The following CLASP1 variants were observed in gnomAD, a reference collection of about 807,000 sequenced individuals.
CLASP1 encodes CLIP-associating protein 1.
Under a neutral mutation model 192.3 loss-of-function variants are expected in CLASP1, and 38 were observed. The observed-to-expected ratio is 0.20, with a 90% CI of 0.15 to 0.26. The LOEUF (loss-of-function observed/expected upper bound fraction) is 0.26, where lower values mean the gene tolerates loss of function less well. Among genes scored for constraint, CLASP1 ranks in the 10% least tolerant of loss-of-function variants. The pLI, the probability that CLASP1 is intolerant of heterozygous loss-of-function variation, is 1.00. For synonymous variants in CLASP1, 691 were observed against 712.8 expected, an observed-to-expected ratio of 0.97 and a Z score of 0.49; for missense variants, 1,433 against 1,932.5, an observed-to-expected ratio of 0.74 and a Z score of 4.85.
chr2:121,444,990 G>T, intron 19 of CLASP1: 1 of 1,321,708 alleles, frequency 7.6e-7, no homozygotes, highest in Non-Finnish European at 1.0e-6. Flanking sequence ...AACAAGGGAA[G>T]GGATAACAGG....
chr2:121,456,623 C>A (rs557635854), intron 14 of CLASP1, among the ~76,000 whole-genome samples: 1 of 151,976 alleles, frequency 6.6e-6, no homozygotes, highest in South Asian at 2.1e-4. Flanking sequence ...TTTAAAAAGG[C>A]GGTCTCTGGC....
Position 121,475,228 on chromosome 2 carries a change from T to C in CLASP1, c.713-5268A>G, listed in dbSNP as rs141252475. On this transcript the variant is annotated intron_variant, in intron 8 of 39. Transcript: ENST00000263710. ...TTTCTAGATTAAGAGCTGGACACAA[T>C]GCTTTGAACTGAAACACCTGCAAAG... Among the ~76,000 whole-genome samples the C allele has an allele frequency of 8.5e-5, 13 of 152,334 alleles. No homozygotes were observed. The East Asian group carries it at 2.3e-3, about 27-fold the overall frequency.
At chr2:121,403,033 T>C (rs531802815) in intron 26 of CLASP1, among the ~76,000 whole-genome samples, 1 of 152,196 alleles carries the variant, frequency 6.6e-6, no homozygotes, top group African/African-American at 2.4e-5. Flanking sequence ...GGTTTTGCCA[T>C]GTTGGCCAGG....
intron 2 of CLASP1, chr2:121,531,112 T>C (rs80047862): frequency 4.7e-6 from 3 of 637,680 alleles, no homozygotes; most frequent in African/African-American, 1.8e-5. Flanking sequence ...ACGCGTGGTT[T>C]TAGTGTCGCA....
chr2:121,434,532 C>T (rs2081985052), intron 19 of CLASP1, among the ~76,000 whole-genome samples: 1 of 152,126 alleles, frequency 6.6e-6, no homozygotes, highest in Non-Finnish European at 1.5e-5. Context: ...TCCCAAAGTG[C>T]TCAGATTATA....
intron 1 of CLASP1, among the ~76,000 whole-genome samples, chr2:121,610,333 T>TAGGAGGAAGAGGAGCTGGAGG (rs2065082246): frequency 1.0e-4 from 11 of 108,892 alleles, no homozygotes; most frequent in Admixed American, 3.7e-4. Context: ...GGAGGAGTTA[T>TAGGAGGAAGAGGAGCTGGAGG]AGGAGGAAGA....
At chr2:121,440,570 T>C (rs958831707) in intron 19 of CLASP1, among the ~76,000 whole-genome samples, 7 of 152,188 alleles carry the variant, frequency 4.6e-5, no homozygotes. Flanking sequence ...TGCACACCTG[T>C]AGTCCCAGTT....
At chr2:121,422,793 G>A (rs2079728326) in intron 22 of CLASP1, among the ~76,000 whole-genome samples, 1 of 152,144 alleles carries the variant, frequency 6.6e-6, no homozygotes, top group South Asian at 2.1e-4. Context: ...AAGAGGCATA[G>A]TTGAACCAAA....
chr2:121,520,847 C>G (rs972718422), intron 6 of CLASP1, among the ~76,000 whole-genome samples: 1 of 152,208 alleles, frequency 6.6e-6, no homozygotes, highest in African/African-American at 2.4e-5. Context: ...AAATCCCCAC[C>G]TCCAGGAAGA....
chr2:121,564,844 T>C (rs913334940), intron 2 of CLASP1, among the ~76,000 whole-genome samples: 2 of 152,196 alleles, frequency 1.3e-5, no homozygotes, highest in African/African-American at 2.4e-5. Flanking sequence ...GGGGCTGCAG[T>C]TGGCATGAAA....
chr2:121,423,011 A>C (rs1203890416), intron 22 of CLASP1, among the ~76,000 whole-genome samples: 1 of 152,126 alleles, frequency 6.6e-6, no homozygotes, highest in Admixed American at 6.5e-5. Context: ...GTATATACTA[A>C]ATGATAATAG....
chr2:121,633,834 G>A lies in CLASP1; in HGVS notation c.-286+15538C>T, dbSNP rs553567102. Among the ~76,000 whole-genome samples, 13 of 151,882 alleles carry A rather than the reference G, an allele frequency of 8.6e-5. No homozygotes were observed. In the South Asian group the frequency reaches 1.2e-3, roughly 15 times the overall value. On this transcript the variant is annotated intron_variant, in intron 1 of 39. Coordinates refer to ENST00000263710, the Ensembl canonical transcript of CLASP1. The stretch of plus-strand genomic sequence containing the variant: ...ATCCTGGCTAACACAGTGAAACCCC[G>A]TCTCTACTAAAAATAAAAAAAAATT...
intron 2 of CLASP1, among the ~76,000 whole-genome samples, chr2:121,593,276 T>C (rs1424503456): frequency 6.6e-6 from 1 of 152,088 alleles, no homozygotes; most frequent in African/African-American, 2.4e-5. Context: ...TCTTCAAAAT[T>C]ATTAAGCCAA....
At chr2:121,610,248 TGAG>T (rs1192554182) in intron 1 of CLASP1, among the ~76,000 whole-genome samples, 4 of 117,096 alleles carry the variant, frequency 3.4e-5, no homozygotes, top group African/African-American at 1.3e-4. Context: ...AAGAGTAGCC[TGAG>T]GAGGAGGAGT....
At chr2:121,504,265 C>T (rs2093867491) in intron 7 of CLASP1, among the ~76,000 whole-genome samples, 1 of 151,894 alleles carries the variant, frequency 6.6e-6, no homozygotes, top group South Asian at 2.1e-4. Flanking sequence ...AAGAGGCTTT[C>T]TCACAGGTAT....
chr2:121,646,938 G>A (rs567873363), intron 1 of CLASP1, among the ~76,000 whole-genome samples: 1 of 151,680 alleles, frequency 6.6e-6, no homozygotes, highest in African/African-American at 2.4e-5. Context: ...TACTCGGGAG[G>A]CTGAGGGAGG....
intron 3 of CLASP1, 51 bp from the exon 4 acceptor site, chr2:121,528,831 T>G: frequency 2.2e-6 from 3 of 1,390,968 alleles, no homozygotes; most frequent in Non-Finnish European, 3.1e-6. Flanking sequence ...TGGGGGTCTG[T>G]GGTCACCAAG....
At chr2:121,605,966 C>T in exon 2 of CLASP1, 1 of 1,426,176 alleles carries the variant, frequency 7.0e-7, no homozygotes, top group Admixed American at 2.0e-5. Flanking sequence ...GCAGACGTAT[C>T]TGGGAGGTTG....
chr2:121,378,344 T>C (rs1431865181), intron 33 of CLASP1, among the ~76,000 whole-genome samples: 1 of 152,174 alleles, frequency 6.6e-6, no homozygotes, highest in Non-Finnish European at 1.5e-5. Flanking sequence ...TGGATGGACA[T>C]CTAAAAATCC....
Sources: allele counts gnomAD v4.1 joint callset (sites outside exome capture counted in the v4.1 genomes callset), GRCh38; gene constraint gnomAD v4.1.1; transcripts MANE v1.5; gene names NCBI Gene and HGNC (gene_info 2026-07-23, HGNC 2026-07-21).